The following KLHL35 variants were observed in gnomAD, a reference collection of about 807,000 sequenced individuals.
The protein encoded by KLHL35 is kelch-like protein 35.
KLHL35 carries 50 observed loss-of-function variants against 44.0 expected under a neutral mutation model. That is an observed-to-expected ratio of 1.14 (90% CI 0.91 to 1.44). KLHL35 has a LOEUF of 1.44. Among genes scored for constraint, KLHL35 ranks in the 40% most tolerant of loss-of-function variants. The pLI is 0.00. For missense variants in KLHL35, 1,049 were observed against 887.8 expected (o/e 1.18, Z -2.31); for synonymous variants, 470 against 410.4 (o/e 1.15, Z -1.76).
chr11:75,423,561 A>G (rs1195407296), intron 6 of KLHL35, 131 bp downstream of exon 6: 5 of 772,806 alleles, frequency 6.5e-6, no homozygotes, highest in Non-Finnish European at 1.1e-5. Flanking sequence ...ATGGTTCACT[A>G]TCACTGTGAG....
chr11:75,430,590 A>G lies in KLHL35; in HGVS notation c.40T>C (p.Cys14Arg). The G allele has an allele frequency of 7.0e-7, 1 of 1,431,798 alleles. No homozygotes were observed. Among genetic ancestry groups the G allele is most frequent in the East Asian group, 3.0e-5 (1 of 33,148 alleles). The allele number at this position is 1,431,798 out of a possible 1,614,324, so 88.7% of individuals were successfully genotyped here. The change falls in exon 2 of 7, where the codon TGC becomes CGC. Residue 14 changes from cysteine to arginine, a missense_variant. Physicochemically the swap from Cys to Arg is radical, Grantham distance 180. Transcript: ENST00000539798. ...GHAPEESEPG[C>R]EAPCAGPCHA... ...CACGGACCCGCGCACGGCGCTTCGC[A>G]GCCCGGCTCCGACTCCTCCGGCGCA... is the stretch of plus-strand genomic sequence containing the variant.
chr11:75,429,993 C>A lies in KLHL35; in HGVS notation c.637G>T (p.Glu213Ter), dbSNP rs751268633. 4.9e-6 allele frequency: 7 copies of A among 1,417,304 alleles called. No individual in the cohort carries two copies. In the African/African-American group the frequency reaches 9.0e-5, roughly 18 times the overall value. The allele number at this position is 1,417,304 out of a possible 1,614,324, so 87.8% of individuals were successfully genotyped here. Residue 213 changes from glutamate to a stop codon, truncating the protein, a stop_gained, in exon 2 of 7, where the codon GAG becomes TAG. Coordinates refer to ENST00000539798, the MANE Select transcript of KLHL35 (RefSeq NM_001039548.3). LOFTEE classifies it high-confidence loss of function. Reference sequence around the variant, plus strand: ...ATGGCCGCTTCAAACACGGCCTCCTCGCGCGCCACGCCCAGCGCGGGGTCC... The same window carrying A: ...ATGGCCGCTTCAAACACGGCCTCCTAGCGCGCCACGCCCAGCGCGGGGTCC... Reference protein sequence around the residue: ...LADPALGVAREEAVFEAAMRW... With the variant: ...LADPALGVAR
In KLHL35 at chr11:75,425,598, G is replaced by C; in HGVS notation, c.1186-17C>G. The C allele has an allele frequency of 6.9e-7, 1 of 1,456,800 alleles. No individual in the cohort carries two copies. The highest frequency in any genetic ancestry group is 9.0e-7 in the Non-Finnish European group (1 of 1,110,820). 90.2% of individuals were successfully genotyped at this position (1,456,800 alleles called of 1,614,324 possible). ...CGCGAACAGCTGCAAGTGAGGACATGGGCCGGGGAGCCGGGTGCCAGGGCC... is the reference window on the plus strand; with the variant it reads ...CGCGAACAGCTGCAAGTGAGGACATCGGCCGGGGAGCCGGGTGCCAGGGCC... On this transcript the variant is annotated splice_polypyrimidine_tract_variant and intron_variant, in intron 4 of 6. Transcript: ENST00000539798.
intron 2 of KLHL35, 117 bp from the exon 3 acceptor site, chr11:75,428,743 C>G: frequency 1.1e-6 from 1 of 885,280 alleles, no homozygotes. Flanking sequence ...CCATCACCCC[C>G]GCCCACCCGA....
At position 75,426,169 on chromosome 11, in the gene KLHL35, A is replaced by G. The variant is rs559424518; in HGVS notation, c.1185+351T>C. 149 of 167,290 alleles carry G rather than the reference A, an allele frequency of 8.9e-4. 1 individual carries two copies. In the South Asian group the frequency reaches 0.013, roughly 14 times the overall value. The allele number at this position is 167,290 out of a possible 1,614,324, so 10.4% of individuals were successfully genotyped here. A position where few individuals can be genotyped will look rare whatever the true frequency, so the allele number is the denominator to read the frequency against. On this transcript the variant is annotated intron_variant, in intron 4 of 6. Transcript: ENST00000539798. Reference sequence around the variant, plus strand: ...ACGGGGTTTCACCGTGTTAGCCAGGATGGTCTGGATCTCCTGACCTCGTGA... The same window carrying G: ...ACGGGGTTTCACCGTGTTAGCCAGGGTGGTCTGGATCTCCTGACCTCGTGA...
chr11:75,428,510 G>A lies in KLHL35; in HGVS notation c.998C>T (p.Pro333Leu), dbSNP rs748947437. 6.2e-6 allele frequency: 10 copies of A among 1,612,468 alleles called. No individual in the cohort carries two copies. The highest frequency in any genetic ancestry group is 8.5e-6 in the Non-Finnish European group (10 of 1,179,888). The stretch of plus-strand genomic sequence containing the variant: ...TGAGCGAGTGTAGCCGGGCAGGCTG[G>A]GCAGTGGGGTCCACCGCTGGCTCTC... The part of the protein sequence containing the change: ...HPESQRWTPL[P>L]SLPGYTRSEF... Residue 333 changes from proline (P) to leucine (L), a missense_variant, in exon 3 of 7, where the codon CCC (proline) becomes CTC (leucine). Physicochemically the swap from Pro to Leu is moderately conservative, Grantham distance 98. Coordinates refer to ENST00000539798, the MANE Select transcript of KLHL35 (RefSeq NM_001039548.3).
At position 75,430,517 on chromosome 11, in the gene KLHL35, C is replaced by A. The variant is rs921610821; in HGVS notation, c.113G>T (p.Gly38Val). 1.2e-5 allele frequency: 18 copies of A among 1,446,778 alleles called. No homozygotes were observed. Among genetic ancestry groups the A allele is most frequent in the Non-Finnish European group, 1.5e-5 (17 of 1,104,330 alleles). The allele number at this position is 1,446,778 out of a possible 1,614,324, so 89.6% of individuals were successfully genotyped here. Reference protein sequence around the residue: ...LQALNAYRRSGTLTDVVLRAG... With the variant: ...LQALNAYRRSVTLTDVVLRAG... ...GCGCAGCACCACGTCGGTGAGGGTG[C>A]CGCTCCGCCGGTAGGCGTTCAGGGC... The change falls in exon 2 of 7, where the codon GGC becomes GTC. Residue 38 changes from glycine to valine, a missense_variant. Coordinates refer to ENST00000539798, the MANE Select transcript of KLHL35 (RefSeq NM_001039548.3).
chr11:75,426,912 T>A, intron 3 of KLHL35: 1 of 329,300 alleles, frequency 3.0e-6, no homozygotes, highest in Non-Finnish European at 5.8e-6. Context: ...GTGGTGGTGG[T>A]GTGCCAGGCT....
chr11:75,425,267 G>A, intron 5 of KLHL35, 126 bp downstream of exon 5: 1 of 1,057,538 alleles, frequency 9.5e-7, no homozygotes, highest in Admixed American at 3.3e-5. Context: ...GGAGGTGACT[G>A]GTCTGGGCTG....
In KLHL35 at chr11:75,423,760, T is replaced by C; in HGVS notation, c.1495A>G (p.Ser499Gly). Reference protein sequence around the residue: ...DTIYVMGGLMSKIFTYDPGTD... With the variant: ...DTIYVMGGLMGKIFTYDPGTD... ...CCTGGATCATAGGTGAAGATTTTGC[T>C]CATGAGACCCCCCATGACATAGATG... Residue 499 changes from serine to glycine, a missense_variant, in exon 6 of 7, where the codon AGC becomes GGC. Physicochemically the swap from Ser to Gly is moderately conservative, Grantham distance 56. Transcript: ENST00000539798. The C allele has an allele frequency of 6.2e-7, 1 of 1,613,844 alleles. No individual in the cohort carries two copies. The highest frequency in any genetic ancestry group is 8.5e-7 in the Non-Finnish European group (1 of 1,179,842).
At position 75,429,792 on chromosome 11, in the gene KLHL35, T is replaced by C. The variant is rs1453935163; in HGVS notation, c.838A>G (p.Ile280Val). 1 of 1,511,878 alleles carries C rather than the reference T, an allele frequency of 6.6e-7. No homozygotes were observed. The highest frequency in any genetic ancestry group is 1.4e-5 in the African/African-American group (1 of 69,684). The allele number at this position is 1,511,878 out of a possible 1,614,324, so 93.7% of individuals were successfully genotyped here. The change falls in exon 2 of 7, where the codon ATC becomes GTC. Residue 280 changes from isoleucine (I) to valine (V), a missense_variant. Transcript: ENST00000539798. ...AGCGCACCGGCCTCGCGGCCCAGGA[T>C]GAAGCAGGCGCGAGCCTCGAGCAGC... ...PLLLEARACF[I>V]LGREAGALRT...
In KLHL35 at chr11:75,423,840, C is replaced by T. The variant is rs764407435; in HGVS notation, c.1415G>A (p.Arg472Gln). ...CCGCTGTGAGAAGGGTGCTGGTGACCGCAGGCTCCACCGGTCCTCCTTGGG... is the reference window on the plus strand; with the variant it reads ...CCGCTGTGAGAAGGGTGCTGGTGACTGCAGGCTCCACCGGTCCTCCTTGGG... ...FDPKEDRWSL[R>Q]SPAPFSQRCL... The change falls in exon 6 of 7, where the codon CGG becomes CAG. Residue 472 changes from arginine (R) to glutamine (Q), a missense_variant. Coordinates refer to ENST00000539798, the MANE Select transcript of KLHL35 (RefSeq NM_001039548.3). The T allele has an allele frequency of 2.0e-5, 32 of 1,613,632 alleles. No individual in the cohort carries two copies. Among genetic ancestry groups the T allele is most frequent in the Admixed American group, 1.0e-4 (6 of 59,980 alleles).
intron 1 of KLHL35, among the ~76,000 whole-genome samples, chr11:75,431,191 A>G (rs1948534653): frequency 1.3e-5 from 2 of 150,986 alleles, no homozygotes; most frequent in African/African-American, 4.9e-5. Context: ...GGGTACAATA[A>G]CTCCACCGCC....
intron 3 of KLHL35, among the ~76,000 whole-genome samples, chr11:75,427,902 C>T (rs1053912314): frequency 1.2e-4 from 18 of 152,192 alleles, no homozygotes; most frequent in African/African-American, 4.3e-4. Context: ...TTCTGCCTGG[C>T]AGTAAAAGTG....
chr11:75,425,522 G>A lies in KLHL35; in HGVS notation c.1245C>T (p.Asp415=). Residue 415 remains aspartate, a synonymous_variant, in exon 5 of 7, where the codon GAC becomes GAT. Coordinates refer to ENST00000539798, the MANE Select transcript of KLHL35 (RefSeq NM_001039548.3). ...LRRLHSVERY[D]PFSNTWAAAA... ...CGGCCGCCCAGGTGTTGGAGAAGGG[G>A]TCGTAGCGCTCCACGCTGTGCAGGC... is the stretch of plus-strand genomic sequence containing the variant. 1 of 1,557,728 alleles carries A rather than the reference G, an allele frequency of 6.4e-7. No individual in the cohort carries two copies. The highest frequency in any genetic ancestry group is 1.4e-5 in the African/African-American group (1 of 71,660).
Position 75,430,046 on chromosome 11 carries a change from GC to G in KLHL35, c.583del (p.Ala195ArgfsTer104), listed in dbSNP as rs1415283191. Reference protein sequence around the residue: ...VARHADFLELAPDEVVALLAD... With the variant: ...VARHADFLELXPDEVVALLAD... ...CAGCAGCGCCACCACCTCGTCAGGC[GC>G]CAGCTCCAGGAAGTCGGCGTGGCGC... On this transcript the variant is annotated frameshift_variant, in exon 2 of 7. Transcript: ENST00000539798. LOFTEE classifies it high-confidence loss of function. 4 of 1,410,624 alleles carry G rather than the reference GC, an allele frequency of 2.8e-6. No individual in the cohort carries two copies. The highest frequency in any genetic ancestry group is 3.7e-6 in the Non-Finnish European group (4 of 1,084,146). The allele number at this position is 1,410,624 out of a possible 1,614,324, so 87.4% of individuals were successfully genotyped here. A position where few individuals can be genotyped will look rare whatever the true frequency, so the allele number is the denominator to read the frequency against.
At chr11:75,423,011 G>T in intron 6 of KLHL35, 1 of 528,180 alleles carries the variant, frequency 1.9e-6, no homozygotes, top group Non-Finnish European at 3.4e-6. Context: ...AAAGGGAGAA[G>T]AACTAAAGTG....
chr11:75,430,432 G>T lies in KLHL35; in HGVS notation c.198C>A (p.Phe66Leu), dbSNP rs1001299251. 17 of 1,395,898 alleles carry T rather than the reference G, an allele frequency of 1.2e-5. 1 individual carries two copies. The highest frequency in any genetic ancestry group is 2.3e-4 in the Middle Eastern group (1 of 4,286). The allele number at this position is 1,395,898 out of a possible 1,614,324, so 86.5% of individuals were successfully genotyped here. A position where few individuals can be genotyped will look rare whatever the true frequency, so the allele number is the denominator to read the frequency against. Residue 66 changes from phenylalanine (F) to leucine (L), a missense_variant, in exon 2 of 7, where the codon TTC becomes TTA. Coordinates refer to ENST00000539798, the MANE Select transcript of KLHL35 (RefSeq NM_001039548.3). Reference sequence around the variant, plus strand: ...GCCGCCCGGCCGCGAACAAGCTGCGGAAGTAGGCGCTGCCCGCGCTGAGCG... The same window carrying T: ...GCCGCCCGGCCGCGAACAAGCTGCGTAAGTAGGCGCTGCCCGCGCTGAGCG... The part of the protein sequence containing the change: ...RAALSAGSAY[F>L]RSLFAAGRPE...
chr11:75,429,144 A>G (rs1260374032), intron 2 of KLHL35, among the ~76,000 whole-genome samples: 1 of 152,228 alleles, frequency 6.6e-6, no homozygotes, highest in Non-Finnish European at 1.5e-5. Flanking sequence ...ATTAAGCCGG[A>G]TAACTCACCC....
Sources: gnomAD v4.1 joint callset for allele counts (sites outside exome capture counted in the v4.1 genomes callset) on GRCh38, gnomAD v4.1.1 for gene constraint, MANE v1.5 for transcripts, NCBI Gene and HGNC (gene_info 2026-07-23, HGNC 2026-07-21) for gene names.